TMEM135: variants seen among roughly 807,000 people sequenced by gnomAD.
The protein encoded by TMEM135 is transmembrane protein 135.
In TMEM135, 30 loss-of-function variants were observed where a neutral mutation model predicts 60.3. The observed-to-expected ratio is 0.50, with a 90% CI of 0.37 to 0.68. TMEM135 has a LOEUF of 0.68. TMEM135 is among the 30% of genes least tolerant of loss of function. The pLI is 0.00. For synonymous variants in TMEM135, 190 were observed against 186.7 expected (o/e 1.02, Z -0.14); for missense variants, 468 against 548.8 (o/e 0.85, Z 1.47).
chr11:87,201,924 T>C (rs529859485), intron 5 of TMEM135, among the ~76,000 whole-genome samples: 1 of 151,914 alleles, frequency 6.6e-6, no homozygotes, highest in South Asian at 2.1e-4. Context: ...CATACACATA[T>C]ATGCATTCAC....
chr11:87,245,772 T>G (rs1425001757), intron 6 of TMEM135, among the ~76,000 whole-genome samples: 1 of 105,390 alleles, frequency 9.5e-6, no homozygotes, highest in African/African-American at 3.7e-5. Context: ...GTTTCCTGAG[T>G]ACAGCACACT....
intron 6 of TMEM135, among the ~76,000 whole-genome samples, chr11:87,246,680 C>T (rs1208226280): frequency 2.8e-5 from 4 of 145,372 alleles, no homozygotes; most frequent in African/African-American, 5.2e-5. Context: ...ACGTAGTTCT[C>T]GAGCCTTGGC....
At chr11:87,195,033 T>C (rs1939902242) in intron 5 of TMEM135, among the ~76,000 whole-genome samples, 1 of 152,218 alleles carries the variant, frequency 6.6e-6, no homozygotes, top group African/African-American at 2.4e-5. Context: ...TGCCTTTTAT[T>C]TAAAGTGTGA....
chr11:87,055,620 C>T (rs536217547), intron 1 of TMEM135, among the ~76,000 whole-genome samples: 5 of 147,634 alleles, frequency 3.4e-5, no homozygotes, highest in African/African-American at 5.0e-5. Flanking sequence ...GATGGAGTTT[C>T]GCTCTTGTTG....
At chr11:87,300,244 G>A (rs1222581242) in intron 7 of TMEM135, among the ~76,000 whole-genome samples, 1 of 152,162 alleles carries the variant, frequency 6.6e-6, no homozygotes, top group Non-Finnish European at 1.5e-5. Context: ...ACTTTGGGAA[G>A]CTTCCTCTGG....
intron 6 of TMEM135, among the ~76,000 whole-genome samples, chr11:87,265,879 G>C (rs1456149829): frequency 1.3e-5 from 2 of 152,002 alleles, no homozygotes; most frequent in Admixed American, 6.6e-5. Flanking sequence ...TTTTCTCATT[G>C]TTCCTTGAGA....
chr11:87,089,196 G>A (rs1288841135), intron 3 of TMEM135, among the ~76,000 whole-genome samples: 1 of 152,108 alleles, frequency 6.6e-6, no homozygotes. Flanking sequence ...CTAGTCTCAG[G>A]CATTTTGGAT....
chr11:87,152,018 A>G (rs1222714144), intron 4 of TMEM135, among the ~76,000 whole-genome samples: 1 of 152,140 alleles, frequency 6.6e-6, no homozygotes, highest in Non-Finnish European at 1.5e-5. Flanking sequence ...ACTCCTTTTT[A>G]GACTGCTTTG....
chr11:87,103,373 C>T (rs1246898796), intron 4 of TMEM135, among the ~76,000 whole-genome samples: 1 of 151,888 alleles, frequency 6.6e-6, no homozygotes, highest in African/African-American at 2.4e-5. Flanking sequence ...TGATAGTAGC[C>T]ACTCTAACAG....
intron 4 of TMEM135, among the ~76,000 whole-genome samples, chr11:87,108,199 C>T (rs985415612): frequency 3.3e-5 from 5 of 152,036 alleles, no homozygotes; most frequent in African/African-American, 1.2e-4. Context: ...AAATTTTCTC[C>T]CATTCTGTAG....
At chr11:87,157,845 G>A (rs915647279) in intron 5 of TMEM135, 1 of 156,968 alleles carries the variant, frequency 6.4e-6, no homozygotes, top group African/African-American at 2.4e-5. Flanking sequence ...AAAAAAGCTG[G>A]AGAGGATTTT....
chr11:87,096,163 T>C, intron 4 of TMEM135: 1 of 281,100 alleles, frequency 3.6e-6, no homozygotes, highest in Non-Finnish European at 6.7e-6. Context: ...GGACTACTAC[T>C]TGGAAAACTA....
intron 5 of TMEM135, among the ~76,000 whole-genome samples, chr11:87,192,136 C>T (rs1293989709): frequency 2.7e-5 from 4 of 150,804 alleles, no homozygotes; most frequent in Non-Finnish European, 5.9e-5. Flanking sequence ...CATGTGCCAC[C>T]GTGCCCAGCT....
rs1308591794 is a variant in TMEM135 at position 87,066,231 on chromosome 11, T to A, written c.142-1463T>A. ...ACCCTCTTACTCCTTCCCTATTATG[T>A]TCTAACCTTTTTGGTTATGTTGTTT... is the stretch of plus-strand genomic sequence containing the variant. On this transcript the variant is annotated intron_variant, in intron 1 of 14. Coordinates refer to ENST00000305494, the MANE Select transcript of TMEM135 (RefSeq NM_022918.4). Among the ~76,000 whole-genome samples, 4 of 152,340 alleles carry A rather than the reference T, an allele frequency of 2.6e-5. No individual in the cohort carries two copies. The East Asian group carries it at 7.7e-4, about 29-fold the overall frequency.
At chr11:87,258,775 A>G in intron 6 of TMEM135, 1 of 496,772 alleles carries the variant, frequency 2.0e-6, no homozygotes. Flanking sequence ...AAAAAATCCA[A>G]ATAATCAGCA....
chr11:87,167,595 T>C (rs1170787460), intron 5 of TMEM135, among the ~76,000 whole-genome samples: 1 of 152,220 alleles, frequency 6.6e-6, no homozygotes, highest in South Asian at 2.1e-4. Flanking sequence ...GTTCTGTTTA[T>C]GTGATGGAGT....
rs1290143768 is a variant in TMEM135 at position 87,324,684 on chromosome 11, G to A, written c.*3351G>A. 2.2e-6 allele frequency: 1 copy of A among 453,630 alleles called. No homozygotes were observed. The highest frequency in any genetic ancestry group is 1.6e-5 in the South Asian group (1 of 64,400). 28.1% of individuals were successfully genotyped at this position (453,630 alleles called of 1,614,324 possible). On this transcript the variant is annotated 3_prime_UTR_variant, in exon 15 of 15. Coordinates refer to ENST00000305494, the MANE Select transcript of TMEM135 (RefSeq NM_022918.4). The stretch of plus-strand genomic sequence containing the variant: ...GGCCTCAAGTGATCCTCTTGGGTTG[G>A]CCTCCCGGGACTCTGGGATTCCAGG...
chr11:87,061,660 A>G (rs1949948015), intron 1 of TMEM135, among the ~76,000 whole-genome samples: 1 of 152,214 alleles, frequency 6.6e-6, no homozygotes, highest in Non-Finnish European at 1.5e-5. Flanking sequence ...GGCTAAGATC[A>G]TGGGTCTTTG....
chr11:87,068,742 C>A (rs541492082), intron 2 of TMEM135, among the ~76,000 whole-genome samples: 1 of 147,376 alleles, frequency 6.8e-6, no homozygotes, highest in African/African-American at 2.5e-5. Flanking sequence ...ACCCGGGAGG[C>A]GGAGCTTGCA....
Sources: gnomAD v4.1 joint callset for allele counts (sites outside exome capture counted in the v4.1 genomes callset) on GRCh38, gnomAD v4.1.1 for gene constraint, MANE v1.5 for transcripts, NCBI Gene and HGNC (gene_info 2026-07-23, HGNC 2026-07-21) for gene names.